The following SAXO4 variants were observed in gnomAD, a reference collection of about 807,000 sequenced individuals.
The protein encoded by SAXO4 is protein phosphatase 1 regulatory subunit 32.
chr11:61,487,223 G>A, the SAXO4 span: 2 of 1,613,836 alleles, frequency 1.2e-6, no homozygotes, highest in African/African-American at 1.3e-5. Context: ...AGCGATACCT[G>A]ACCACCTACA....
the SAXO4 span, among the ~76,000 whole-genome samples, chr11:61,483,164 CTTTTTTT>C: frequency 1.7e-4 from 20 of 119,362 alleles, no homozygotes; most frequent in East Asian, 1.3e-3. Context: ...ATTTCTTTTT[CTTTTTTT>C]TTTTTTTTTT....
the SAXO4 span, chr11:61,489,680 G>T: frequency 1.6e-6 from 2 of 1,223,776 alleles, no homozygotes; most frequent in Non-Finnish European, 2.4e-6. Flanking sequence ...ATGAGCAAAG[G>T]TGGGGAGGCT....
the SAXO4 span, among the ~76,000 whole-genome samples, chr11:61,481,402 G>A: frequency 6.6e-6 from 1 of 152,118 alleles, no homozygotes; most frequent in East Asian, 1.9e-4. Flanking sequence ...GTGGGTTGTC[G>A]GCTCATTCAT....
chr11:61,489,877 C>A, the SAXO4 span: 1 of 1,613,958 alleles, frequency 6.2e-7, no homozygotes. Context: ...CTCAGCCAGC[C>A]GGTCAGCTGC....
chr11:61,490,634 C>T, the SAXO4 span: 22 of 1,493,684 alleles, frequency 1.5e-5, no homozygotes, highest in East Asian at 5.0e-4. Flanking sequence ...GTGTGGGCAA[C>T]CGTTATGGGC....
chr11:61,484,789 C>T, the SAXO4 span: 4 of 1,605,892 alleles, frequency 2.5e-6, no homozygotes, highest in Non-Finnish European at 2.5e-6. Flanking sequence ...AGGGCCAGGA[C>T]CCGCTGGAGC....
the SAXO4 span, among the ~76,000 whole-genome samples, chr11:61,483,712 C>T: frequency 3.3e-5 from 5 of 152,030 alleles, no homozygotes; most frequent in Admixed American, 6.6e-5. Flanking sequence ...AATCCCAGCA[C>T]TTTGGGAAGC....
At chr11:61,484,843 CG>C in the SAXO4 span, 1 of 1,539,374 alleles carries the variant, frequency 6.5e-7, no homozygotes, top group Non-Finnish European at 8.8e-7. Context: ...CTAAGGGCTT[CG>C]GGGTGGGGCA....
At chr11:61,486,502 G>A in the SAXO4 span, 1 of 1,613,624 alleles carries the variant, frequency 6.2e-7, no homozygotes, top group South Asian at 1.1e-5. Context: ...CCTGGTGCCA[G>A]TGGCTGCTTT....
At chr11:61,484,757 G>C in the SAXO4 span, 2 of 1,612,938 alleles carry the variant, frequency 1.2e-6, no homozygotes, top group Non-Finnish European at 1.7e-6. Context: ...GCCCAGGGAA[G>C]TGCCTCTGCT....
At chr11:61,488,335 C>CTCTCTGTCG in the SAXO4 span, among the ~76,000 whole-genome samples, 2 of 134,850 alleles carry the variant, frequency 1.5e-5, no homozygotes. Flanking sequence ...GATGGAGTCT[C>CTCTCTGTCG]TCTCTGTCGT....
At chr11:61,487,132 C>T in the SAXO4 span, 3 of 1,613,280 alleles carry the variant, frequency 1.9e-6, no homozygotes, top group Non-Finnish European at 2.5e-6. Flanking sequence ...CCCCTGTCTA[C>T]CCCTCTTGTG....
chr11:61,489,154 G>GC, the SAXO4 span: 1 of 129,566 alleles, frequency 7.7e-6, no homozygotes, highest in Non-Finnish European at 1.6e-5. Context: ...TGGGGGAGGG[G>GC]CAACGATGTT....
the SAXO4 span, chr11:61,487,030 C>T: frequency 6.2e-7 from 1 of 1,614,130 alleles, no homozygotes; most frequent in South Asian, 1.1e-5. Flanking sequence ...ACAAACGTTG[C>T]CCTGCTTGGC....
At chr11:61,484,678 T>C in the SAXO4 span, 4 of 1,613,074 alleles carry the variant, frequency 2.5e-6, no homozygotes, top group Non-Finnish European at 3.4e-6. Flanking sequence ...TTGGCCCTTC[T>C]TCCTCCCAGG....
the SAXO4 span, among the ~76,000 whole-genome samples, chr11:61,485,569 C>T: frequency 6.6e-6 from 1 of 152,172 alleles, no homozygotes; most frequent in African/African-American, 2.4e-5. Flanking sequence ...ACCTCAGTAC[C>T]TTGGGCCTCT....
chr11:61,482,546 G>A, the SAXO4 span: 25,167 of 1,577,758 alleles, frequency 0.016, 3,487 homozygotes, highest in African/African-American at 0.3. Context: ...GGTGACTCAG[G>A]GCACAGCGGA....
At chr11:61,486,364 T>G in the SAXO4 span, 1 of 1,613,972 alleles carries the variant, frequency 6.2e-7, no homozygotes. Context: ...CAGGCCAGAG[T>G]GTCACCAAGT....
chr11:61,482,289 C>G, the SAXO4 span: 1 of 1,607,586 alleles, frequency 6.2e-7, no homozygotes, highest in South Asian at 1.1e-5. Context: ...TGGGGTCTGT[C>G]TCCCCGTTAC....
Sources: gnomAD v4.1 joint callset for allele counts (sites outside exome capture counted in the v4.1 genomes callset) on GRCh38, gnomAD v4.1.1 for gene constraint, MANE v1.5 for transcripts, NCBI Gene and HGNC (gene_info 2026-07-23, HGNC 2026-07-21) for gene names.